Variants in SETD1A observed in about 807,000 individuals in gnomAD.
The protein encoded by SETD1A is histone-lysine N-methyltransferase SETD1A.
Under a neutral mutation model 149.9 loss-of-function variants are expected in SETD1A, and 29 were observed. The ratio of observed to expected loss-of-function variants is 0.19; its 90% CI spans 0.14 to 0.26. The LOEUF (loss-of-function observed/expected upper bound fraction) is 0.26, where lower values mean the gene tolerates loss of function less well. Ranked by LOEUF, SETD1A falls within the 10% of genes least tolerant of loss-of-function variation. SETD1A has a pLI of 1.00. For synonymous variants in SETD1A, 1,141 were observed against 968.5 expected, an observed-to-expected ratio of 1.18 and a Z score of -3.31; for missense variants, 2,109 against 2,353.1, an observed-to-expected ratio of 0.90 and a Z score of 2.15.
chr16:30,980,580 A>G lies in SETD1A; in HGVS notation c.4504A>G (p.Ile1502Val). Residue 1502 changes from isoleucine to valine, a missense_variant, in exon 15 of 19, where the codon ATC becomes GTC. Coordinates refer to ENST00000262519, the MANE Select transcript of SETD1A (RefSeq NM_014712.3). This position sits in a 1 kb window ranked among gnomAD's most constrained non-coding sequence, Gnocchi z 7.7. ...AGCCCGCAGCGAAGGCTACTACCCC[A>G]TCAGCAAGAAGGAGAAGGACAAGTA... Reference protein sequence around the residue: ...GSARSEGYYPISKKEKDKYLD... With the variant: ...GSARSEGYYPVSKKEKDKYLD... 1 of 1,614,096 alleles carries G rather than the reference A, an allele frequency of 6.2e-7. No individual in the cohort carries two copies. The highest frequency in any genetic ancestry group is 1.1e-5 in the South Asian group (1 of 91,092).
At chr16:30,964,540 C>T (rs2056106783) in intron 6 of SETD1A, 72 bp from the exon 7 acceptor site, 3 of 1,558,920 alleles carry the variant, frequency 1.9e-6, no homozygotes, top group East Asian at 4.5e-5. Context: ...GGGCTTTGGG[C>T]CCTGGGACCC....
In SETD1A at chr16:30,965,610, T is replaced by G; in HGVS notation, c.1729T>G (p.Cys577Gly). 1 of 1,612,106 alleles carries G rather than the reference T, an allele frequency of 6.2e-7. No homozygotes were observed. The highest frequency in any genetic ancestry group is 8.5e-7 in the Non-Finnish European group (1 of 1,179,512). Residue 577 changes from cysteine to glycine, a missense_variant, in exon 8 of 19, where the codon TGC (cysteine) becomes GGC (glycine). Physicochemically the swap from Cys to Gly is radical, Grantham distance 159 (BLOSUM62 -3). This residue lies in a region of SETD1A where 431 missense variants were observed against 388.6 expected (regional missense o/e 1.11). Transcript: ENST00000262519. The part of the protein sequence containing the change: ...KANGQNQASP[C>G]SSGDDMEISD... ...TCTTCTGCCCCCGCAGGCTTCTCCA[T>G]GCTCTTCTGGAGACGACATGGAGAT... is the stretch of plus-strand genomic sequence containing the variant.
rs767257444 is a variant in SETD1A at position 30,966,270 on chromosome 16, A to G, written c.2389A>G (p.Met797Val). The change falls in exon 8 of 19, where the codon ATG (methionine) becomes GTG (valine). Residue 797 changes from methionine to valine, a missense_variant. Met to Val is a conservative substitution (Grantham distance 21, BLOSUM62 1). Around this residue, in one of 8 missense-constraint regions of SETD1A, gnomAD observed 22 missense variants for 51.3 expected, o/e 0.43. Transcript: ENST00000262519. ...TAGTVGRVLA[M>V]LVQEMKSIMQ... is the part of the protein sequence containing the mutation. Reference sequence around the variant, plus strand: ...AGGCACCGTGGGCCGTGTGCTCGCCATGCTGGTCCAGGAGATGAAGAGCAT... The same window carrying G: ...AGGCACCGTGGGCCGTGTGCTCGCCGTGCTGGTCCAGGAGATGAAGAGCAT... 1 of 1,613,912 alleles carries G rather than the reference A, an allele frequency of 6.2e-7. No individual in the cohort carries two copies.
chr16:30,966,833 G>A lies in SETD1A; in HGVS notation c.2506-51G>A. 2.0e-6 allele frequency: 3 copies of A among 1,492,536 alleles called. 1 individual carries two copies. The South Asian group carries it at 4.0e-5, about 20-fold the overall frequency. 92.5% of individuals were successfully genotyped at this position (1,492,536 alleles called of 1,614,324 possible). On this transcript the variant is annotated intron_variant, in intron 8 of 18. Coordinates refer to ENST00000262519, the MANE Select transcript of SETD1A (RefSeq NM_014712.3). ...GTCCGGGAGTAGGTCTCAGGCAGGA[G>A]GGAATGCCTGGGTTCTGGGCGCTGG...
chr16:30,958,493 C>T, intron 1 of SETD1A: 1 of 533,192 alleles, frequency 1.9e-6, no homozygotes, highest in Non-Finnish European at 3.3e-6. Context: ...GGGCTCGAGA[C>T]GGGCCTGGGG....
At chr16:30,959,316 G>A (rs2056013749) in intron 3 of SETD1A, 130 bp downstream of exon 3, 1 of 708,674 alleles carries the variant, frequency 1.4e-6, no homozygotes, top group Non-Finnish European at 2.5e-6. Context: ...CTGAGGCTGT[G>A]AGACTCAGTT....
chr16:30,979,990 C>CCCCCAA lies in SETD1A; in HGVS notation c.4204_4205insCCCCAA (p.Arg1402delinsProProSer). 6.8e-7 allele frequency: 1 copy of CCCCCAA among 1,480,720 alleles called. No individual in the cohort carries two copies. Among genetic ancestry groups the CCCCCAA allele is most frequent in the Non-Finnish European group, 8.9e-7 (1 of 1,121,610 alleles). 91.7% of individuals were successfully genotyped at this position (1,480,720 alleles called of 1,614,324 possible). On this transcript the variant is annotated protein_altering_variant, in exon 14 of 19. Coordinates refer to ENST00000262519, the MANE Select transcript of SETD1A (RefSeq NM_014712.3). ...CCTCCGCTCCCACGCCCGGCGCCGC[C>CCCCCAA]GCCCTCCGCCCCCACCCCCGCCGCC...
Position 30,979,411 on chromosome 16 carries a change from A to T in SETD1A, c.3625A>T (p.Asn1209Tyr). The T allele has an allele frequency of 1.2e-6, 2 of 1,611,526 alleles. No homozygotes were observed. The highest frequency in any genetic ancestry group is 8.5e-7 in the Non-Finnish European group (1 of 1,179,094). Reference sequence around the variant, plus strand: ...CCGGGGCGTGGAGCGGACCATCCGCAACCTGCCCCTGGACCACGCATCTCT... The same window carrying T: ...CCGGGGCGTGGAGCGGACCATCCGCTACCTGCCCCTGGACCACGCATCTCT... The part of the protein sequence containing the change: ...APRGVERTIR[N>Y]LPLDHASLVK... Residue 1209 changes from asparagine to tyrosine, a missense_variant, in exon 14 of 19, where the codon AAC (asparagine) becomes TAC (tyrosine). Asn to Tyr is a moderately radical substitution (Grantham distance 143, BLOSUM62 -2). Coordinates refer to ENST00000262519, the MANE Select transcript of SETD1A (RefSeq NM_014712.3).
chr16:30,974,805 G>A (rs1567359695), intron 13 of SETD1A, among the ~76,000 whole-genome samples: 1 of 151,988 alleles, frequency 6.6e-6, no homozygotes, highest in Non-Finnish European at 1.5e-5. Context: ...TCAGGAGTTC[G>A]AGACCAGTCT....
Position 30,983,767 on chromosome 16 carries a change from T to A in SETD1A, c.4945T>A (p.Cys1649Ser). 1 of 1,614,028 alleles carries A rather than the reference T, an allele frequency of 6.2e-7. No homozygotes were observed. Among genetic ancestry groups the A allele is most frequent in the Non-Finnish European group, 8.5e-7 (1 of 1,179,940 alleles). ...CCTGGCCAGATTCATCAACCACTGC[T>A]GCACGGTGCGCCAGGGGCCAGCCGG... is the stretch of plus-strand genomic sequence containing the variant. Reference protein sequence around the residue: ...GNLARFINHCCTPNCYAKVIT... With the variant: ...GNLARFINHCSTPNCYAKVIT... The change falls in exon 18 of 19, where the codon TGC (cysteine) becomes AGC (serine). Residue 1649 changes from cysteine to serine, a missense_variant. Transcript: ENST00000262519. This position sits in a 1 kb window ranked among gnomAD's most constrained non-coding sequence, Gnocchi z 6.8.
chr16:30,969,736 C>T (rs200938409), intron 12 of SETD1A, 47 bp downstream of exon 12: 113 of 1,484,658 alleles, frequency 7.6e-5, no homozygotes, highest in East Asian at 1.6e-4. Flanking sequence ...AGGAGGGGTT[C>T]GGCTGCCTGG....
Position 30,979,781 on chromosome 16 carries a change from C to A in SETD1A, c.3995C>A (p.Ala1332Asp). The change falls in exon 14 of 19, where the codon GCT (alanine) becomes GAT (aspartate). Residue 1332 changes from alanine (A) to aspartate (D), a missense_variant. Coordinates refer to ENST00000262519, the MANE Select transcript of SETD1A (RefSeq NM_014712.3). Reference protein sequence around the residue: ...PAPAALFSSPADEVLEAPEVV... With the variant: ...PAPAALFSSPDDEVLEAPEVV... ...CCCGCCGCCCTCTTCAGTTCCCCAG[C>A]TGATGAGGTCCTGGAGGCCCCCGAG... 6.3e-7 allele frequency: 1 copy of A among 1,588,904 alleles called. No homozygotes were observed. The highest frequency in any genetic ancestry group is 8.5e-7 in the Non-Finnish European group (1 of 1,174,606).
Position 30,979,255 on chromosome 16 carries a change from CT to C in SETD1A, c.3470del (p.Leu1157ProfsTer105). On this transcript the variant is annotated frameshift_variant, in exon 14 of 19. Coordinates refer to ENST00000262519, the MANE Select transcript of SETD1A (RefSeq NM_014712.3). LOFTEE classifies it high-confidence loss of function. ...TGAGCGTCCCTCTTCTCCCATCCCC[CT>C]CCTGCCCCCACCCAAGAAACGCCGG... ...PDERPSSPIP[L>X]LPPPKKRRKT... is the part of the protein sequence containing the mutation. The C allele has an allele frequency of 6.2e-7, 1 of 1,611,432 alleles. No homozygotes were observed.
intron 13 of SETD1A, among the ~76,000 whole-genome samples, chr16:30,974,294 T>C (rs1164965424): frequency 6.6e-6 from 1 of 152,124 alleles, no homozygotes; most frequent in Non-Finnish European, 1.5e-5. Context: ...GTTGGATCCA[T>C]GGATCTGGGG....
In SETD1A at chr16:30,980,870, G is replaced by A. The variant is rs1412925114; in HGVS notation, c.4692+21G>A. On this transcript the variant is annotated intron_variant, in intron 16 of 18. Transcript: ENST00000262519. This position sits in a 1 kb window ranked among gnomAD's most constrained non-coding sequence, Gnocchi z 7.7. ...TCAAGGTGAGGCTGGGCTGCAGGAG[G>A]GGCTGGGTGGGGTGGGGTGGGGCAG... is the stretch of plus-strand genomic sequence containing the variant. The A allele has an allele frequency of 6.6e-7, 1 of 1,510,120 alleles. No individual in the cohort carries two copies. Among genetic ancestry groups the A allele is most frequent in the Non-Finnish European group, 9.2e-7 (1 of 1,091,112 alleles). The allele number at this position is 1,510,120 out of a possible 1,614,324, so 93.5% of individuals were successfully genotyped here.
Position 30,983,697 on chromosome 16 carries a change from C to G in SETD1A, c.4875C>G (p.Phe1625Leu). The change falls in exon 18 of 19, where the codon TTC (phenylalanine) becomes TTG (leucine). Residue 1625 changes from phenylalanine to leucine, a missense_variant. Physicochemically the swap from Phe to Leu is conservative, Grantham distance 22. Transcript: ENST00000262519. This position sits in a 1 kb window ranked among gnomAD's most constrained non-coding sequence, Gnocchi z 6.8. ...VQEGIGSSYL[F>L]RVDHDTIIDA... The stretch of plus-strand genomic sequence containing the variant: ...AGGGCATTGGCAGCAGCTACCTGTT[C>G]CGGGTGGACCACGACACCATCATCG... 6.2e-7 allele frequency: 1 copy of G among 1,614,048 alleles called. No homozygotes were observed. The highest frequency in any genetic ancestry group is 8.5e-7 in the Non-Finnish European group (1 of 1,179,978).
At chr16:30,966,430 A>C in intron 8 of SETD1A, 44 bp downstream of exon 8, 1 of 1,551,812 alleles carries the variant, frequency 6.4e-7, no homozygotes, top group Non-Finnish European at 8.7e-7. Context: ...GCTTTGCAGG[A>C]GGAAATGGGC....
chr16:30,980,653 C>T lies in SETD1A; in HGVS notation c.4577C>T (p.Thr1526Ile). The T allele has an allele frequency of 6.2e-7, 1 of 1,612,578 alleles. No individual in the cohort carries two copies. Among genetic ancestry groups the T allele is most frequent in the South Asian group, 1.1e-5 (1 of 91,044 alleles). The change falls in exon 15 of 19, where the codon ACT (threonine) becomes ATT (isoleucine). Residue 1526 changes from threonine to isoleucine, a missense_variant. By Grantham distance (89) the Thr-to-Ile change is moderately conservative. This residue lies in a region of SETD1A where 254 missense variants were observed against 409.3 expected (regional missense o/e 0.62). Transcript: ENST00000262519. This position sits in a 1 kb window ranked among gnomAD's most constrained non-coding sequence, Gnocchi z 7.7. ...VSARQLEGVDTQGTNRVLSER... is the reference protein window; with the variant it reads ...VSARQLEGVDIQGTNRVLSER... The stretch of plus-strand genomic sequence containing the variant: ...GCCCGGCAGCTGGAGGGCGTGGACA[C>T]TCAGGTGGGCCTAACCCCGCCGCCG...
At position 30,964,622 on chromosome 16, in the gene SETD1A, A is replaced by G. The variant is rs770430763; in HGVS notation, c.880A>G (p.Thr294Ala). 1.9e-6 allele frequency: 3 copies of G among 1,611,994 alleles called. No individual in the cohort carries two copies. The highest frequency in any genetic ancestry group is 2.5e-6 in the Non-Finnish European group (3 of 1,179,250). Residue 294 changes from threonine (T) to alanine (A), a missense_variant, in exon 7 of 19, where the codon ACC becomes GCC. Physicochemically the swap from Thr to Ala is moderately conservative, Grantham distance 58. Transcript: ENST00000262519. ...CTGCTTCTTCTCCAGCACCACTTCA[A>G]CCTCCTTCAAGCCCCGGCGGTCAGA... ...DSAYSSSTTSTSFKPRRSENS... is the reference protein window; with the variant it reads ...DSAYSSSTTSASFKPRRSENS...
Sources: allele counts gnomAD v4.1 joint callset (sites outside exome capture counted in the v4.1 genomes callset), GRCh38; gene constraint gnomAD v4.1.1; regional missense constraint gnomAD v4.1.1; non-coding constraint Gnocchi (gnomAD v3.1); transcripts MANE v1.5; gene names NCBI Gene and HGNC (gene_info 2026-07-23, HGNC 2026-07-21).